The following CHRM3 variants were observed in gnomAD, a reference collection of about 807,000 sequenced individuals.
CHRM3 encodes the protein muscarinic acetylcholine receptor M3.
In CHRM3, 11 loss-of-function variants were observed where a neutral mutation model predicts 41.8. That is an observed-to-expected ratio of 0.26 (90% CI 0.17 to 0.44). The LOEUF (loss-of-function observed/expected upper bound fraction) is 0.44. CHRM3 is among the 20% of genes least tolerant of loss of function. The pLI is 1.00. For missense variants in CHRM3, 571 were observed against 745.4 expected (o/e 0.77, Z 2.72); for synonymous variants, 297 against 301.4 (o/e 0.99, Z 0.15).
chr1:239,574,461 C>A (rs1248102484), intron 3 of CHRM3, among the ~76,000 whole-genome samples: 1 of 152,094 alleles, frequency 6.6e-6, no homozygotes, highest in Non-Finnish European at 1.5e-5. Flanking sequence ...CGGTTATGCA[C>A]TGGCCAGCTC....
At chr1:239,446,031 G>A (rs938191314) in intron 1 of CHRM3, among the ~76,000 whole-genome samples, 2 of 151,730 alleles carry the variant, frequency 1.3e-5, no homozygotes, top group African/African-American at 4.8e-5. Flanking sequence ...TCTGCCTCCC[G>A]GGTTCAAGCA....
At chr1:239,526,947 C>T (rs955942376) in intron 2 of CHRM3, among the ~76,000 whole-genome samples, 9 of 151,852 alleles carry the variant, frequency 5.9e-5, no homozygotes, top group African/African-American at 1.9e-4. Context: ...ATAGGGAGAC[C>T]CTGTCTCTAT....
At chr1:239,682,812 T>C (rs1334565558) in intron 5 of CHRM3, among the ~76,000 whole-genome samples, 1 of 152,212 alleles carries the variant, frequency 6.6e-6, no homozygotes, top group Non-Finnish European at 1.5e-5. Flanking sequence ...TAGCAAAATT[T>C]TTTTGTATCT....
intron 3 of CHRM3, chr1:239,629,457 G>C (rs374872240): frequency 6.5e-6 from 1 of 153,690 alleles, no homozygotes; most frequent in South Asian, 2.1e-4. Flanking sequence ...GAAATCACCC[G>C]TCTTCTGCGT....
At chr1:239,728,352 C>T (rs1455453163) in intron 5 of CHRM3, among the ~76,000 whole-genome samples, 2 of 151,920 alleles carry the variant, frequency 1.3e-5, no homozygotes, top group Non-Finnish European at 2.9e-5. Flanking sequence ...AAGATGAAAA[C>T]ATGCCTATTC....
chr1:239,906,330 A>C (rs1679963323), intron 6 of CHRM3, among the ~76,000 whole-genome samples: 1 of 152,236 alleles, frequency 6.6e-6, no homozygotes, highest in Non-Finnish European at 1.5e-5. Context: ...AACCAAGAGC[A>C]TAAATGTAGT....
At chr1:239,420,448 T>G (rs1374919348) in intron 1 of CHRM3, among the ~76,000 whole-genome samples, 1 of 152,138 alleles carries the variant, frequency 6.6e-6, no homozygotes, top group Non-Finnish European at 1.5e-5. Context: ...TTCAGTAGAT[T>G]TGGAAAGTTC....
intron 6 of CHRM3, among the ~76,000 whole-genome samples, chr1:239,867,265 G>A (rs990145442): frequency 1.3e-5 from 2 of 152,214 alleles, no homozygotes; most frequent in Non-Finnish European, 2.9e-5. Context: ...TGAGGACGGC[G>A]AAGCTTGTAC....
At chr1:239,774,714 G>A (rs73125263) in intron 5 of CHRM3, among the ~76,000 whole-genome samples, 5,790 of 152,242 alleles carry the variant, frequency 0.038, 377 homozygotes, top group African/African-American at 0.13. Context: ...AGGATATGGG[G>A]GAAGTCCCTC....
chr1:239,651,974 C>T (rs564798507), intron 4 of CHRM3, among the ~76,000 whole-genome samples: 26 of 127,450 alleles, frequency 2.0e-4, no homozygotes, highest in Non-Finnish European at 3.5e-4. Flanking sequence ...GTCTGTATTT[C>T]GCCAGTTTTT....
At chr1:239,696,243 T>C (rs1167930494) in intron 5 of CHRM3, among the ~76,000 whole-genome samples, 2 of 152,198 alleles carry the variant, frequency 1.3e-5, no homozygotes, top group Non-Finnish European at 2.9e-5. Context: ...ATCTTATACC[T>C]GTTCCGTGAC....
In CHRM3 at chr1:239,643,632, T is replaced by C. The variant is rs141255470; in HGVS notation, c.-250+11346T>C. Among the ~76,000 whole-genome samples, 354 of 152,322 alleles carry C rather than the reference T, an allele frequency of 2.3e-3. 3 individuals carry two copies. Among genetic ancestry groups the C allele is most frequent in the African/African-American group, 8.3e-3 (343 of 41,574 alleles). ...TTAAACCCGTCGGAAAAGTGCAGTA[T>C]TCGGGTGGGAGTGACCCGATTTTCC... is the stretch of plus-strand genomic sequence containing the variant. On this transcript the variant is annotated intron_variant, in intron 4 of 6. Coordinates refer to ENST00000676153, the MANE Select transcript of CHRM3 (RefSeq NM_001375978.1).
At chr1:239,689,900 A>G (rs1659538035) in intron 5 of CHRM3, among the ~76,000 whole-genome samples, 1 of 152,168 alleles carries the variant, frequency 6.6e-6, no homozygotes, top group Non-Finnish European at 1.5e-5. Context: ...GCCTGGGAAG[A>G]GGCAAGATTG....
chr1:239,896,019 T>G (rs1678972155), intron 6 of CHRM3, among the ~76,000 whole-genome samples: 1 of 152,092 alleles, frequency 6.6e-6, no homozygotes, highest in South Asian at 2.1e-4. Context: ...TAAAACAGAG[T>G]AGAGGCAATC....
intron 2 of CHRM3, among the ~76,000 whole-genome samples, chr1:239,539,552 T>C (rs1381329855): frequency 6.6e-6 from 1 of 152,214 alleles, no homozygotes; most frequent in Non-Finnish European, 1.5e-5. Flanking sequence ...AGTCATGCAC[T>C]GTGAAATGAT....
chr1:239,871,867 C>A (rs1413751326), intron 6 of CHRM3, among the ~76,000 whole-genome samples: 1 of 152,136 alleles, frequency 6.6e-6, no homozygotes, highest in East Asian at 1.9e-4. Flanking sequence ...ACGAGAGGCG[C>A]ACTGAAATTT....
intron 1 of CHRM3, among the ~76,000 whole-genome samples, chr1:239,461,928 A>C (rs1354775640): frequency 6.6e-6 from 1 of 152,066 alleles, no homozygotes; most frequent in Non-Finnish European, 1.5e-5. Context: ...CACTTTCAAA[A>C]GCAAATAAAT....
chr1:239,773,615 C>G (rs538431033), intron 5 of CHRM3, among the ~76,000 whole-genome samples: 1 of 152,286 alleles, frequency 6.6e-6, no homozygotes, highest in South Asian at 2.1e-4. Context: ...AAAAGACTTT[C>G]TTTTCTTTGT....
chr1:239,585,856 TGC>T (rs1663346445), intron 3 of CHRM3, among the ~76,000 whole-genome samples: 4 of 152,222 alleles, frequency 2.6e-5, no homozygotes, highest in Non-Finnish European at 4.4e-5. Flanking sequence ...TAGATGAATA[TGC>T]ACTAATTATT....
Sources: allele counts gnomAD v4.1 joint callset (sites outside exome capture counted in the v4.1 genomes callset), GRCh38; gene constraint gnomAD v4.1.1; transcripts MANE v1.5; gene names NCBI Gene and HGNC (gene_info 2026-07-23, HGNC 2026-07-21).